Variants in PCDHA11 observed in about 807,000 individuals in gnomAD.
The protein encoded by PCDHA11 is protocadherin alpha 11, also known as protocadherin alpha-11.
A neutral mutation model predicts 70.3 loss-of-function variants in PCDHA11; 61 were observed. The ratio of observed to expected loss-of-function variants is 0.87; its 90% CI spans 0.71 to 1.07. The LOEUF is 1.07. PCDHA11 is among the 50% of genes least tolerant of loss of function. The probability of loss-of-function intolerance (pLI) is 0.00; values close to 1 mark genes in which losing one functional copy is unlikely to be tolerated. For synonymous variants in PCDHA11, 633 were observed against 555.1 expected (o/e 1.14, Z -1.97); for missense variants, 1,324 against 1,237.5 (o/e 1.07, Z -1.05).
intron 1 of PCDHA11, among the ~76,000 whole-genome samples, chr5:140,923,825 G>A (rs2081532169): frequency 6.6e-6 from 1 of 152,224 alleles, no homozygotes; most frequent in East Asian, 1.9e-4. Context: ...ATAGACGTCA[G>A]TGGCAGTTTA....
intron 3 of PCDHA11, among the ~76,000 whole-genome samples, chr5:140,997,912 A>T (rs2097790316): frequency 1.3e-5 from 2 of 152,224 alleles, no homozygotes. Context: ...GTAGAATTAC[A>T]GAATCATAGG....
intron 3 of PCDHA11, among the ~76,000 whole-genome samples, chr5:141,008,684 G>A (rs1426948038): frequency 2.0e-5 from 3 of 152,236 alleles, no homozygotes; most frequent in South Asian, 4.2e-4. Flanking sequence ...TTTAGTTATT[G>A]CATGTATTAA....
Position 140,936,624 on chromosome 5 carries a change from C to T in PCDHA11, c.2392-42325C>T, listed in dbSNP as rs186958884. On this transcript the variant is annotated intron_variant, in intron 1 of 3. Coordinates refer to ENST00000398640, the MANE Select transcript of PCDHA11 (RefSeq NM_018902.5). Reference sequence around the variant, plus strand: ...TCCTCGCTGCTACTGTGCAGTGCTACCTTTGTCATAAGCAACGTGACTTTA... The same window carrying T: ...TCCTCGCTGCTACTGTGCAGTGCTATCTTTGTCATAAGCAACGTGACTTTA... 2.3e-3 allele frequency among the ~76,000 whole-genome samples: 345 copies of T among 152,302 alleles called. 2 individuals are homozygous for T. Among genetic ancestry groups the T allele is most frequent in the South Asian group, 2.5e-3 (12 of 4,824 alleles).
Position 140,922,401 on chromosome 5 carries a change from A to T in PCDHA11, c.2391+50907A>T, listed in dbSNP as rs1290862669. On this transcript the variant is annotated intron_variant, in intron 1 of 3. Transcript: ENST00000398640. ...AACCAAAGACTCCTTGTTTTGGATT[A>T]AAAAGATCTAGGTACAGAGGCTGAG... 2.6e-5 allele frequency among the ~76,000 whole-genome samples: 4 copies of T among 152,234 alleles called. No individual in the cohort carries two copies. In the East Asian group the frequency reaches 7.7e-4, roughly 29 times the overall value.
intron 1 of PCDHA11, chr5:140,967,306 C>A (rs1554229415): frequency 1.2e-6 from 2 of 1,612,350 alleles, no homozygotes; most frequent in Non-Finnish European, 1.7e-6. Context: ...TGGGCGCCAA[C>A]TCAGTACAGA....
chr5:140,966,742 G>T, intron 1 of PCDHA11: 1 of 1,422,480 alleles, frequency 7.0e-7, no homozygotes, highest in African/African-American at 1.5e-5. Context: ...GCCCTGCCCG[G>T]CTGCCTCCGC....
intron 1 of PCDHA11, chr5:140,927,761 G>C (rs1554205028): frequency 6.2e-7 from 1 of 1,614,102 alleles, no homozygotes. Flanking sequence ...CACCCTAAAA[G>C]TGGGGAGGTG....
chr5:140,928,785 G>A, intron 1 of PCDHA11: 1 of 1,614,144 alleles, frequency 6.2e-7, no homozygotes, highest in Middle Eastern at 1.6e-4. Context: ...ATGCAGTTAA[G>A]CAGAGGGTGG....
chr5:140,880,891 C>T (rs1475261918), intron 1 of PCDHA11, among the ~76,000 whole-genome samples: 2 of 151,984 alleles, frequency 1.3e-5, no homozygotes, highest in Non-Finnish European at 2.9e-5. Flanking sequence ...AATGTAGGGC[C>T]AGATAGAAAG....
At chr5:140,883,688 A>G (rs782730096) in intron 1 of PCDHA11, 2 of 1,613,792 alleles carry the variant, frequency 1.2e-6, no homozygotes, top group Middle Eastern at 1.7e-4. Flanking sequence ...GGGCTGCCAC[A>G]TCTTCACGGT....
At chr5:140,927,157 G>T (rs868936673) in intron 1 of PCDHA11, 1 of 1,614,146 alleles carries the variant, frequency 6.2e-7, no homozygotes, top group Admixed American at 1.7e-5. Flanking sequence ...GCTGTGCAGG[G>T]CCAAAGCTGC....
intron 1 of PCDHA11, among the ~76,000 whole-genome samples, chr5:140,917,197 C>T (rs928492760): frequency 2.6e-5 from 4 of 152,236 alleles, no homozygotes; most frequent in African/African-American, 7.2e-5. Flanking sequence ...TCTCTCCAAC[C>T]CTCTTCAATG....
chr5:140,967,052 A>C (rs1554229118), intron 1 of PCDHA11: 1 of 1,612,532 alleles, frequency 6.2e-7, no homozygotes, highest in Non-Finnish European at 8.5e-7. Context: ...GGACCTGACG[A>C]GTGGAGCGCT....
intron 3 of PCDHA11, among the ~76,000 whole-genome samples, chr5:140,989,362 G>A (rs1264795948): frequency 6.6e-6 from 1 of 152,176 alleles, no homozygotes; most frequent in African/African-American, 2.4e-5. Context: ...GGTCACCTGT[G>A]TGACTGAGAG....
At chr5:141,009,104 T>G (rs2098399543) in intron 3 of PCDHA11, among the ~76,000 whole-genome samples, 1 of 152,220 alleles carries the variant, frequency 6.6e-6, no homozygotes, top group Non-Finnish European at 1.5e-5. Flanking sequence ...CATATGTTAC[T>G]ATGAAACTAG....
chr5:140,929,257 C>T, intron 1 of PCDHA11: 2 of 1,612,972 alleles, frequency 1.2e-6, no homozygotes, highest in Non-Finnish European at 1.7e-6. Context: ...TGGGGTAGGA[C>T]TGAATTTGCC....
intron 1 of PCDHA11, chr5:140,927,896 A>T: frequency 1.2e-6 from 2 of 1,614,200 alleles, no homozygotes; most frequent in Non-Finnish European, 1.7e-6. Flanking sequence ...GACGTGAACG[A>T]TCATGCCCCC....
chr5:140,903,550 C>T lies in PCDHA11; in HGVS notation c.2391+32056C>T, dbSNP rs139225982. 2.6e-3 allele frequency among the ~76,000 whole-genome samples: 396 copies of T among 152,250 alleles called. 2 individuals carry two copies. The highest frequency in any genetic ancestry group is 9.3e-3 in the African/African-American group (385 of 41,564). The stretch of plus-strand genomic sequence containing the variant: ...CTTTAAACTAGAGCAAGAAACTTTT[C>T]TAATAAGTGGAATTGGGAGCTGTCT... On this transcript the variant is annotated intron_variant, in intron 1 of 3. Transcript: ENST00000398640.
At chr5:140,929,104 A>G in intron 1 of PCDHA11, 1 of 1,614,240 alleles carries the variant, frequency 6.2e-7, no homozygotes. Flanking sequence ...TCCTTGCATG[A>G]CATCAGCCAC....
Sources: gnomAD v4.1 joint callset for allele counts (sites outside exome capture counted in the v4.1 genomes callset) on GRCh38, gnomAD v4.1.1 for gene constraint, MANE v1.5 for transcripts, NCBI Gene and HGNC (gene_info 2026-07-23, HGNC 2026-07-21) for gene names.